AFF3: variants seen among roughly 807,000 people sequenced by gnomAD.
AFF3 encodes AF4/FMR2 family member 3.
A neutral mutation model predicts 129.7 loss-of-function variants in AFF3; 32 were observed. That is an observed-to-expected ratio of 0.25 (90% confidence interval 0.19 to 0.33). AFF3 has a LOEUF of 0.33. Among genes scored for constraint, AFF3 ranks in the 10% least tolerant of loss-of-function variants. The pLI is 1.00. For synonymous variants in AFF3, 644 were observed against 635.4 expected (o/e 1.01, Z -0.20); for missense variants, 1,373 against 1,592.0 (o/e 0.86, Z 2.34).
chr2:99,765,570 T>C (rs1166156527), intron 8 of AFF3, among the ~76,000 whole-genome samples: 2 of 152,224 alleles, frequency 1.3e-5, no homozygotes. Flanking sequence ...TCATTCTATC[T>C]TGCAGGATTA....
In AFF3 at chr2:99,614,046, C is replaced by A. The variant is rs185443946; in HGVS notation, c.1185-12425G>T. 7.2e-5 allele frequency among the ~76,000 whole-genome samples: 11 copies of A among 152,256 alleles called. No homozygotes were observed. In the East Asian group the frequency reaches 1.2e-3, roughly 16 times the overall value. ...CAGCAGCTTCAGCCCGGGGCAGGAA[C>A]CTTAGAGCTGTTTTGAGCCGATTTG... On this transcript the variant is annotated intron_variant, in intron 13 of 24. Transcript: ENST00000672756.
intron 8 of AFF3, among the ~76,000 whole-genome samples, chr2:99,752,798 G>A (rs533562940): frequency 4.4e-4 from 67 of 152,194 alleles, no homozygotes; most frequent in African/African-American, 1.4e-3. Context: ...TGTCATTCAC[G>A]GAGAGTGAAA....
intron 7 of AFF3, among the ~76,000 whole-genome samples, chr2:99,973,699 CCTTTTTTTTTT>C (rs1678609465): frequency 6.6e-6 from 1 of 151,056 alleles, no homozygotes; most frequent in Admixed American, 6.6e-5. Flanking sequence ...GTTTTTTTTT[CCTTTTTTTTTT>C]AATGAGCAGT....
At chr2:99,637,108 G>A (rs1683744417) in intron 13 of AFF3, among the ~76,000 whole-genome samples, 2 of 152,220 alleles carry the variant, frequency 1.3e-5, no homozygotes, top group Admixed American at 6.5e-5. Context: ...GTGCTGGCCT[G>A]AAGGGCTCTT....
chr2:99,641,394 G>A (rs951277032), intron 13 of AFF3, among the ~76,000 whole-genome samples: 7 of 152,034 alleles, frequency 4.6e-5, no homozygotes, highest in Non-Finnish European at 1.0e-4. Flanking sequence ...AAGATGAAAT[G>A]AGGCCAGGTG....
intron 11 of AFF3, among the ~76,000 whole-genome samples, chr2:99,716,882 C>CAA (rs58689373): frequency 7.5e-3 from 609 of 80,896 alleles, no homozygotes; most frequent in African/African-American, 0.019. Flanking sequence ...GACTCCGTCT[C>CAA]AAAAAAAAAA....
intron 8 of AFF3, among the ~76,000 whole-genome samples, chr2:99,778,889 TGTGTGC>T (rs774936494): frequency 2.6e-5 from 1 of 37,922 alleles, no homozygotes; most frequent in Non-Finnish European, 5.2e-5. Context: ...TGTGTGTGTG[TGTGTGC>T]GCGTGTGTGT....
intron 7 of AFF3, among the ~76,000 whole-genome samples, chr2:99,858,484 G>A (rs1274496710): frequency 6.6e-6 from 1 of 151,692 alleles, no homozygotes; most frequent in Non-Finnish European, 1.5e-5. Flanking sequence ...CCAGGAGGTC[G>A]AGGCTGCAGT....
At chr2:99,693,726 T>A (rs1047593114) in intron 11 of AFF3, among the ~76,000 whole-genome samples, 1 of 152,202 alleles carries the variant, frequency 6.6e-6, no homozygotes, top group Non-Finnish European at 1.5e-5. Flanking sequence ...AATAATGTCA[T>A]TAAAATCTTT....
intron 17 of AFF3, among the ~76,000 whole-genome samples, chr2:99,578,851 G>T (rs1476289133): frequency 6.6e-6 from 1 of 152,176 alleles, no homozygotes; most frequent in East Asian, 1.9e-4. Flanking sequence ...ATCCTCCAGG[G>T]GGCTGGTGAA....
chr2:99,730,516 CT>C (rs1448325264), intron 10 of AFF3, among the ~76,000 whole-genome samples: 16,616 of 140,250 alleles, frequency 0.12, 2,022 homozygotes, highest in African/African-American at 0.34. Flanking sequence ...TATACTGCAA[CT>C]TTTTTTTTTT....
chr2:100,136,794 T>C (rs1187652481), intron 1 of AFF3, among the ~76,000 whole-genome samples: 1 of 152,230 alleles, frequency 6.6e-6, no homozygotes. Context: ...GGAATTTTAA[T>C]TTAATCTTTT....
At chr2:99,754,725 A>T (rs1231236673) in intron 8 of AFF3, among the ~76,000 whole-genome samples, 1 of 152,170 alleles carries the variant, frequency 6.6e-6, no homozygotes, top group Non-Finnish European at 1.5e-5. Context: ...ATAGCAGACA[A>T]ACTTTGAGAT....
intron 8 of AFF3, among the ~76,000 whole-genome samples, chr2:99,833,032 T>C (rs1688617717): frequency 1.3e-5 from 2 of 152,242 alleles, no homozygotes; most frequent in Non-Finnish European, 2.9e-5. Context: ...AATAGGTCAC[T>C]GAAAACAAGT....
intron 8 of AFF3, among the ~76,000 whole-genome samples, chr2:99,797,868 A>T (rs966918034): frequency 6.6e-6 from 1 of 152,178 alleles, no homozygotes; most frequent in African/African-American, 2.4e-5. Flanking sequence ...AACAGCTGGA[A>T]AAGTTCATAA....
intron 7 of AFF3, among the ~76,000 whole-genome samples, chr2:99,927,964 C>A (rs1835161): frequency 0.96 from 146,331 of 152,204 alleles, 70,371 homozygotes; most frequent in East Asian, 1. Context: ...CATGATAGTG[C>A]ATGGGTCTCA....
intron 4 of AFF3, among the ~76,000 whole-genome samples, chr2:100,057,320 C>CAAAAAA (rs57672976): frequency 3.6e-5 from 2 of 55,068 alleles, no homozygotes; most frequent in South Asian, 9.7e-4. Context: ...GACTCTGTCT[C>CAAAAAA]AAAAAAAAAA....
intron 11 of AFF3, among the ~76,000 whole-genome samples, chr2:99,699,610 G>A (rs1676642720): frequency 8.8e-6 from 1 of 113,240 alleles, no homozygotes; most frequent in Admixed American, 9.5e-5. Context: ...AGTGCCCACA[G>A]AGGTGGGCAG....
chr2:99,786,103 G>A (rs1684770302), intron 8 of AFF3, among the ~76,000 whole-genome samples: 1 of 152,196 alleles, frequency 6.6e-6, no homozygotes. Context: ...GCCATTCGTT[G>A]AGTGCGGACT....
Sources: allele counts gnomAD v4.1 joint callset (sites outside exome capture counted in the v4.1 genomes callset), GRCh38; gene constraint gnomAD v4.1.1; transcripts MANE v1.5; gene names NCBI Gene and HGNC (gene_info 2026-07-23, HGNC 2026-07-21).